IGF2BP3: variants seen among roughly 807,000 people sequenced by gnomAD.
IGF2BP3 encodes the protein insulin like growth factor 2 mRNA binding protein 3.
In IGF2BP3, 9 loss-of-function variants were observed where a neutral mutation model predicts 73.8. The observed-to-expected ratio is 0.12, with a 90% confidence interval of 0.07 to 0.21. The LOEUF (loss-of-function observed/expected upper bound fraction) is 0.21, where lower values mean the gene tolerates loss of function less well. IGF2BP3 is among the 10% of genes least tolerant of loss of function. The probability of loss-of-function intolerance (pLI) is 1.00; values close to 1 mark genes in which losing one functional copy is unlikely to be tolerated. For missense variants in IGF2BP3, 542 were observed against 714.0 expected, an observed-to-expected ratio of 0.76 and a Z score of 2.75; for synonymous variants, 258 against 256.7, an observed-to-expected ratio of 1.01 and a Z score of -0.05.
In IGF2BP3 at chr7:23,340,999, G is replaced by C. The variant is rs1784697677; in HGVS notation, c.1203+1065C>G. 3.3e-5 allele frequency among the ~76,000 whole-genome samples: 5 copies of C among 151,880 alleles called. No homozygotes were observed. In the South Asian group the frequency reaches 1.0e-3, roughly 31 times the overall value. ...CAAGTAGCTGGGATTACAGGCACCT[G>C]CCACCACTCCGGCTAATTTTTTGTA... On this transcript the variant is annotated intron_variant, in intron 10 of 14. Coordinates refer to ENST00000258729, the MANE Select transcript of IGF2BP3 (RefSeq NM_006547.3).
intron 6 of IGF2BP3, among the ~76,000 whole-genome samples, chr7:23,350,637 A>G (rs1784936723): frequency 6.6e-6 from 1 of 152,264 alleles, no homozygotes; most frequent in Non-Finnish European, 1.5e-5. Context: ...CATTTTAGTC[A>G]TTTGACAAAT....
Position 23,328,239 on chromosome 7 carries a change from T to C in IGF2BP3, c.1204-8985A>G, listed in dbSNP as rs564953498. On this transcript the variant is annotated intron_variant, in intron 10 of 14. Coordinates refer to ENST00000258729, the MANE Select transcript of IGF2BP3 (RefSeq NM_006547.3). ...TTTTTCTTTTTTTGAGACAGAGTCT[T>C]GCTCTGTCTCCCAGGCTGGAGTGTA... Among the ~76,000 whole-genome samples the C allele has an allele frequency of 1.0e-3, 156 of 152,288 alleles. 1 individual carries two copies. The highest frequency in any genetic ancestry group is 3.6e-3 in the African/African-American group (148 of 41,558).
chr7:23,334,458 A>G (rs1234014581), intron 10 of IGF2BP3, among the ~76,000 whole-genome samples: 1 of 152,276 alleles, frequency 6.6e-6, no homozygotes, highest in Non-Finnish European at 1.5e-5. Context: ...CAGGCAGAGC[A>G]AAAGTTATAA....
chr7:23,345,641 C>T (rs1329895360), intron 8 of IGF2BP3, among the ~76,000 whole-genome samples: 1 of 152,196 alleles, frequency 6.6e-6, no homozygotes, highest in Non-Finnish European at 1.5e-5. Context: ...CGTTACACGA[C>T]AATGGATAAT....
intron 3 of IGF2BP3, among the ~76,000 whole-genome samples, chr7:23,377,163 CA>C (rs1304882420): frequency 6.6e-6 from 1 of 151,920 alleles, no homozygotes; most frequent in African/African-American, 2.4e-5. Flanking sequence ...CTTTGTGCTT[CA>C]AAGAACACTA....
intron 9 of IGF2BP3, among the ~76,000 whole-genome samples, 179 bp downstream of exon 9, chr7:23,343,539 A>C (rs1278836154): frequency 6.6e-6 from 1 of 152,208 alleles, no homozygotes; most frequent in African/African-American, 2.4e-5. Context: ...AGAGACAGCA[A>C]AGCTTAATGT....
intron 2 of IGF2BP3, among the ~76,000 whole-genome samples, chr7:23,423,179 C>G (rs112899618): frequency 2.1e-3 from 314 of 152,346 alleles, no homozygotes; most frequent in African/African-American, 7.1e-3. Flanking sequence ...GTGCTCTGCT[C>G]TTATCAGTAC....
chr7:23,310,759 A>C lies in IGF2BP3; in HGVS notation c.*1603T>G, dbSNP rs1175356237. 1 of 152,116 alleles carries C rather than the reference A, an allele frequency of 6.6e-6. No homozygotes were observed. The highest frequency in any genetic ancestry group is 1.5e-5 in the Non-Finnish European group (1 of 68,044). 9.4% of individuals were successfully genotyped at this position (152,116 alleles called of 1,614,324 possible). A position where few individuals can be genotyped will look rare whatever the true frequency, so the allele number is the denominator to read the frequency against. On this transcript the variant is annotated 3_prime_UTR_variant, in exon 15 of 15. Coordinates refer to ENST00000258729, the MANE Select transcript of IGF2BP3 (RefSeq NM_006547.3). ...CAGAAAAACATCTAGTCTGTATAGA[A>C]ATTCATCTTGAAATAAGAATGAGGC...
intron 2 of IGF2BP3, among the ~76,000 whole-genome samples, chr7:23,430,347 G>A (rs1370093434): frequency 6.6e-6 from 1 of 152,200 alleles, no homozygotes; most frequent in Non-Finnish European, 1.5e-5. Context: ...CGGGATTACA[G>A]GCAGGAGCCA....
intron 2 of IGF2BP3, among the ~76,000 whole-genome samples, chr7:23,460,760 G>A (rs956631624): frequency 1.3e-5 from 2 of 152,072 alleles, no homozygotes; most frequent in Non-Finnish European, 2.9e-5. Flanking sequence ...GACCATTCTG[G>A]CCAACATGGT....
intron 2 of IGF2BP3, among the ~76,000 whole-genome samples, chr7:23,440,409 C>A (rs1231470657): frequency 6.6e-6 from 1 of 152,200 alleles, no homozygotes; most frequent in African/African-American, 2.4e-5. Context: ...GCACTCCAGC[C>A]TGGGCAACAG....
chr7:23,383,088 C>G (rs890094306), intron 3 of IGF2BP3, among the ~76,000 whole-genome samples: 5 of 151,658 alleles, frequency 3.3e-5, no homozygotes, highest in South Asian at 2.1e-4. Context: ...ACAAACACAC[C>G]TAAGCAAAGC....
At chr7:23,371,692 C>A (rs949537966) in intron 3 of IGF2BP3, among the ~76,000 whole-genome samples, 2 of 152,190 alleles carry the variant, frequency 1.3e-5, no homozygotes, top group Non-Finnish European at 2.9e-5. Flanking sequence ...CCTTTATCAT[C>A]GAAAAGCCCC....
chr7:23,396,892 C>G (rs898235950), intron 3 of IGF2BP3, among the ~76,000 whole-genome samples: 2 of 152,180 alleles, frequency 1.3e-5, no homozygotes, highest in Non-Finnish European at 2.9e-5. Flanking sequence ...AGGCACTTGT[C>G]TTATTCGCTG....
In IGF2BP3 at chr7:23,310,841, T is replaced by C. The variant is rs1346927170; in HGVS notation, c.*1521A>G. On this transcript the variant is annotated 3_prime_UTR_variant, in exon 15 of 15. Transcript: ENST00000258729. ...GTCCTTTAGATCAGTGTAACATGAC[T>C]GTGATCATCTTACAAACAAAACTCA... The C allele has an allele frequency of 6.6e-6, 1 of 152,120 alleles. No homozygotes were observed. 9.4% of individuals were successfully genotyped at this position (152,120 alleles called of 1,614,324 possible).
intron 3 of IGF2BP3, among the ~76,000 whole-genome samples, chr7:23,412,953 G>A (rs1294865979): frequency 4.3e-5 from 6 of 140,508 alleles, no homozygotes; most frequent in Non-Finnish European, 9.1e-5. Context: ...TCCGCCTCCC[G>A]GGTTCAAGAG....
At chr7:23,423,663 G>A (rs996005998) in intron 2 of IGF2BP3, among the ~76,000 whole-genome samples, 1 of 151,898 alleles carries the variant, frequency 6.6e-6, no homozygotes, top group Non-Finnish European at 1.5e-5. Context: ...ATATGGTGGA[G>A]GGGGGGAAAG....
At chr7:23,391,339 A>G (rs920218687) in intron 3 of IGF2BP3, among the ~76,000 whole-genome samples, 7 of 151,994 alleles carry the variant, frequency 4.6e-5, no homozygotes, top group African/African-American at 1.7e-4. Flanking sequence ...ACTTCAAATG[A>G]TCTGCCTGCC....
intron 10 of IGF2BP3, among the ~76,000 whole-genome samples, chr7:23,331,859 G>GAAA (rs35506768): frequency 1.0e-5 from 1 of 96,012 alleles, no homozygotes; most frequent in Non-Finnish European, 2.1e-5. Context: ...AACTGTCTCA[G>GAAA]AAAAAAAAAA....
Sources: allele counts gnomAD v4.1 joint callset (sites outside exome capture counted in the v4.1 genomes callset), GRCh38; gene constraint gnomAD v4.1.1; transcripts MANE v1.5; gene names NCBI Gene and HGNC (gene_info 2026-07-23, HGNC 2026-07-21).